Variants in NCAM1 observed in about 807,000 individuals in gnomAD.
NCAM1 encodes neural cell adhesion molecule 1.
In NCAM1, 14 loss-of-function variants were observed where a neutral mutation model predicts 109.8. The ratio of observed to expected loss-of-function variants is 0.13; its 90% CI spans 0.08 to 0.20. NCAM1 has a LOEUF of 0.20. Among genes scored for constraint, NCAM1 ranks in the 10% least tolerant of loss-of-function variants. The pLI is 1.00. For missense variants in NCAM1, 774 were observed against 1,109.9 expected, an observed-to-expected ratio of 0.70 and a Z score of 4.30; for synonymous variants, 418 against 442.9, an observed-to-expected ratio of 0.94 and a Z score of 0.70.
chr11:113,009,314 T>TTTTTTGTTGTTGTTG (rs1478973109), intron 1 of NCAM1, among the ~76,000 whole-genome samples: 5 of 93,448 alleles, frequency 5.4e-5, no homozygotes, highest in South Asian at 4.1e-4. Context: ...TTTTTCGGGT[T>TTTTTTGTTGTTGTTG]TTTTTTTTTT....
chr11:112,965,070 T>C (rs1555064961), intron 1 of NCAM1, among the ~76,000 whole-genome samples: 1 of 120,072 alleles, frequency 8.3e-6, no homozygotes, highest in African/African-American at 3.0e-5. Flanking sequence ...TACCTTTATC[T>C]AGGATTTTTT....
At position 113,277,482 on chromosome 11, in the gene NCAM1, C is replaced by G; in HGVS notation, c.*2095C>G. ...ACATGAAGAGAGATCTTAGAGCACA[C>G]AGTAGAATGTGAGAGCCTGGGTGTC... On this transcript the variant is annotated 3_prime_UTR_variant, in exon 20 of 20. Coordinates refer to ENST00000316851, the MANE Select transcript of NCAM1 (RefSeq NM_181351.5). 2.5e-6 allele frequency: 1 copy of G among 398,960 alleles called. No homozygotes were observed. The allele number at this position is 398,960 out of a possible 1,614,324, so 24.7% of individuals were successfully genotyped here. A position where few individuals can be genotyped will look rare whatever the true frequency, so the allele number is the denominator to read the frequency against.
At chr11:113,165,862 G>C (rs902594418) in intron 1 of NCAM1, among the ~76,000 whole-genome samples, 1 of 151,672 alleles carries the variant, frequency 6.6e-6, no homozygotes, top group Non-Finnish European at 1.5e-5. Context: ...ACCCAGGCTG[G>C]AGTGCAGTGG....
At chr11:113,013,028 A>G (rs1393857299) in intron 1 of NCAM1, among the ~76,000 whole-genome samples, 1 of 152,216 alleles carries the variant, frequency 6.6e-6, no homozygotes, top group Non-Finnish European at 1.5e-5. Context: ...TACAATATGG[A>G]ATAATGTTAA....
chr11:113,114,245 A>T (rs1940582867), intron 1 of NCAM1, among the ~76,000 whole-genome samples: 1 of 152,170 alleles, frequency 6.6e-6, no homozygotes, highest in Non-Finnish European at 1.5e-5. Context: ...GGAGTCAGAG[A>T]CACAAATAGA....
intron 14 of NCAM1, among the ~76,000 whole-genome samples, chr11:113,238,845 A>G (rs376641214): frequency 6.6e-6 from 1 of 152,204 alleles, no homozygotes; most frequent in South Asian, 2.1e-4. Flanking sequence ...CCAAGCCCCA[A>G]GGAAGAGAAG....
At chr11:113,151,728 G>C (rs12286728) in intron 1 of NCAM1, among the ~76,000 whole-genome samples, 12,983 of 152,338 alleles carry the variant, frequency 0.085, 684 homozygotes, top group East Asian at 0.14. Flanking sequence ...GGTTTTGCTA[G>C]CAGAGCCAGG....
At position 113,127,761 on chromosome 11, in the gene NCAM1, C is replaced by T. The variant is rs527493749; in HGVS notation, c.53-74618C>T. Among the ~76,000 whole-genome samples, 15 of 152,334 alleles carry T rather than the reference C, an allele frequency of 9.8e-5. 1 individual carries two copies. In the South Asian group the frequency reaches 1.9e-3, roughly 19 times the overall value. On this transcript the variant is annotated intron_variant, in intron 1 of 19. Coordinates refer to ENST00000316851, the MANE Select transcript of NCAM1 (RefSeq NM_181351.5). ...CAAAAATCAGACAGCTGCTCAGCAG[C>T]GTCCCTTCCTACAAGAGACAGAAAT...
At position 113,204,462 on chromosome 11, in the gene NCAM1, G is replaced by A. The variant is rs782116195; in HGVS notation, c.304G>A (p.Asp102Asn). The A allele has an allele frequency of 6.2e-7, 1 of 1,613,988 alleles. No individual in the cohort carries two copies. The highest frequency in any genetic ancestry group is 8.5e-7 in the Non-Finnish European group (1 of 1,179,886). Residue 102 changes from aspartate to asparagine, a missense_variant, in exon 3 of 20, where the codon GAT (aspartate) becomes AAT (asparagine). Asp to Asn is a conservative substitution (Grantham distance 23). Transcript: ENST00000316851. ...TTACAAGTGTGTGGTTACAGGCGAG[G>A]ATGGCAGTGAGTCAGAGGCCACCGT... ...GIYKCVVTGE[D>N]GSESEATVNV...
chr11:113,224,117 G>C (rs1216689082), intron 9 of NCAM1, among the ~76,000 whole-genome samples: 1 of 152,256 alleles, frequency 6.6e-6, no homozygotes, highest in Non-Finnish European at 1.5e-5. Context: ...CCGAGCGTGA[G>C]CCGAAGCAGG....
intron 1 of NCAM1, among the ~76,000 whole-genome samples, chr11:113,118,193 C>G (rs1168107383): frequency 6.6e-6 from 1 of 151,662 alleles, no homozygotes; most frequent in Non-Finnish European, 1.5e-5. Context: ...TACTTAGAAT[C>G]TAAAAATAAG....
intron 1 of NCAM1, among the ~76,000 whole-genome samples, chr11:113,164,465 G>T (rs182518824): frequency 1.3e-5 from 2 of 152,058 alleles, no homozygotes; most frequent in African/African-American, 4.8e-5. Context: ...CATTTCAGTC[G>T]CAAGTCCCAG....
chr11:113,056,015 ATATATATAT>A (rs1953697556), intron 1 of NCAM1, among the ~76,000 whole-genome samples: 4 of 121,854 alleles, frequency 3.3e-5, no homozygotes, highest in African/African-American at 6.0e-5. Context: ...ATATATATAT[ATATATATAT>A]AAAATATATA....
chr11:113,247,631 C>T (rs564486748), intron 15 of NCAM1, among the ~76,000 whole-genome samples: 2 of 152,260 alleles, frequency 1.3e-5, no homozygotes, highest in East Asian at 3.9e-4. Flanking sequence ...CCTGGACTTG[C>T]CTATGAGCCA....
intron 1 of NCAM1, among the ~76,000 whole-genome samples, chr11:113,067,176 G>A (rs1171519269): frequency 2.0e-5 from 3 of 152,070 alleles, no homozygotes; most frequent in African/African-American, 7.2e-5. Flanking sequence ...TATAGTAGGT[G>A]GTCAATAAAG....
chr11:113,218,173 T>C (rs1369279099), intron 8 of NCAM1, among the ~76,000 whole-genome samples: 1 of 152,228 alleles, frequency 6.6e-6, no homozygotes, highest in Non-Finnish European at 1.5e-5. Flanking sequence ...ACATTTGTAT[T>C]AGCTGTTGCT....
intron 1 of NCAM1, among the ~76,000 whole-genome samples, chr11:113,122,105 AACAGTTG>A: frequency 6.6e-6 from 1 of 152,312 alleles, no homozygotes; most frequent in African/African-American, 2.4e-5. Flanking sequence ...CTAAGCCCAT[AACAGTTG>A]CCTGGTGTCA....
chr11:112,969,408 A>G (rs1950817078), intron 1 of NCAM1, among the ~76,000 whole-genome samples: 1 of 152,168 alleles, frequency 6.6e-6, no homozygotes, highest in Admixed American at 6.5e-5. Context: ...ATTTGAATAT[A>G]TATAGCATCT....
Position 113,207,291 on chromosome 11 carries a change from T to C in NCAM1, c.659T>C (p.Ile220Thr), listed in dbSNP as rs1333967082. Residue 220 changes from isoleucine (I) to threonine (T), a missense_variant, in exon 6 of 20, where the codon ATT becomes ACT. Around this residue, in one of 4 missense-constraint regions of NCAM1, gnomAD observed 523 missense variants for 784.2 expected, o/e 0.67. Transcript: ENST00000316851. ...CCTACCATCCAGGCCAGGCAGAATA[T>C]TGTGAATGCCACCGCCAACCTCGGC... ...VPPTIQARQN[I>T]VNATANLGQS... 1.9e-6 allele frequency: 3 copies of C among 1,613,872 alleles called. No individual in the cohort carries two copies. The highest frequency in any genetic ancestry group is 1.1e-5 in the South Asian group (1 of 91,092).
Sources: gnomAD v4.1 joint callset for allele counts (sites outside exome capture counted in the v4.1 genomes callset) on GRCh38, gnomAD v4.1.1 for gene constraint, gnomAD v4.1.1 regional missense constraint, MANE v1.5 for transcripts, NCBI Gene and HGNC (gene_info 2026-07-23, HGNC 2026-07-21) for gene names.